The following SUGCT variants were observed in gnomAD, a reference collection of about 807,000 sequenced individuals.
SUGCT encodes succinyl-CoA:glutarate CoA-transferase.
SUGCT carries 41 observed loss-of-function variants against 55.0 expected under a neutral mutation model. That is an observed-to-expected ratio of 0.74 (90% CI 0.58 to 0.97). The LOEUF (loss-of-function observed/expected upper bound fraction) is 0.97. Ranked by LOEUF, SUGCT falls within the 50% of genes least tolerant of loss-of-function variation. The pLI is 0.00. For missense variants in SUGCT, 568 were observed against 547.8 expected (o/e 1.04, Z -0.37); for synonymous variants, 187 against 200.4 (o/e 0.93, Z 0.56).
At chr7:40,793,311 G>A (rs898562086) in intron 13 of SUGCT, 13 of 152,038 alleles carry the variant, frequency 8.6e-5, no homozygotes, top group African/African-American at 3.1e-4. Flanking sequence ...AATGATGAGT[G>A]ATTACTCTTA....
chr7:40,913,204 G>T, the SUGCT span, among the ~76,000 whole-genome samples: 9 of 151,892 alleles, frequency 5.9e-5, no homozygotes, highest in African/African-American at 2.2e-4. Flanking sequence ...TAGAGACGGG[G>T]TTTCACCATG....
chr7:40,661,660 C>A (rs1047977990), intron 12 of SUGCT, among the ~76,000 whole-genome samples: 2 of 152,118 alleles, frequency 1.3e-5, no homozygotes, highest in Admixed American at 1.3e-4. Context: ...CAACCAGATC[C>A]CCATTGATCT....
chr7:40,692,518 TA>T (rs2128652444), intron 12 of SUGCT, among the ~76,000 whole-genome samples: 1 of 152,280 alleles, frequency 6.6e-6, no homozygotes, highest in East Asian at 1.9e-4. Flanking sequence ...TACTGTGTAT[TA>T]AGAGAATGGG....
chr7:40,864,999 C>T (rs2128811779), downstream of SUGCT, among the ~76,000 whole-genome samples: 1 of 152,202 alleles, frequency 6.6e-6, no homozygotes, highest in Non-Finnish European at 1.5e-5. Flanking sequence ...ATTGCTGCCT[C>T]CCCGCTCTTC....
the SUGCT span, among the ~76,000 whole-genome samples, chr7:40,901,464 A>G: frequency 1.3e-5 from 2 of 152,116 alleles, no homozygotes; most frequent in Non-Finnish European, 2.9e-5. Flanking sequence ...CACACTATAT[A>G]GCAACCATCA....
intron 12 of SUGCT, among the ~76,000 whole-genome samples, chr7:40,502,121 A>G (rs1242233014): frequency 6.6e-6 from 1 of 152,036 alleles, no homozygotes; most frequent in African/African-American, 2.4e-5. Context: ...GTCTTATAAC[A>G]TTATTCTTTC....
At chr7:40,231,105 T>C (rs1788697008) in intron 6 of SUGCT, among the ~76,000 whole-genome samples, 1 of 152,092 alleles carries the variant, frequency 6.6e-6, no homozygotes, top group Non-Finnish European at 1.5e-5. Context: ...GGACCAAATA[T>C]GGACTGTTGG....
intron 13 of SUGCT, among the ~76,000 whole-genome samples, chr7:40,768,951 G>T (rs149231183): frequency 3.3e-5 from 5 of 152,300 alleles, no homozygotes; most frequent in African/African-American, 1.2e-4. Flanking sequence ...CCTGTGCTGA[G>T]TGTGTCTATT....
intron 1 of SUGCT, among the ~76,000 whole-genome samples, chr7:40,139,053 C>A (rs1057488239): frequency 5.9e-5 from 9 of 151,802 alleles, no homozygotes; most frequent in Non-Finnish European, 5.9e-5. Context: ...GTGGGTGGAT[C>A]ACCTGAGGTC....
At chr7:40,370,759 A>G (rs1381003653) in intron 9 of SUGCT, among the ~76,000 whole-genome samples, 1 of 151,930 alleles carries the variant, frequency 6.6e-6, no homozygotes, top group African/African-American at 2.4e-5. Context: ...CTTTCTAAAT[A>G]TTTCTATAAT....
intron 9 of SUGCT, among the ~76,000 whole-genome samples, chr7:40,377,827 TGAA>T (rs1312494237): frequency 1.3e-5 from 2 of 152,242 alleles, no homozygotes; most frequent in Admixed American, 1.3e-4. Flanking sequence ...CCTTTATATA[TGAA>T]GAATAGTTTT....
At chr7:40,957,247 A>G in the SUGCT span, among the ~76,000 whole-genome samples, 13 of 152,104 alleles carry the variant, frequency 8.5e-5, no homozygotes, top group African/African-American at 3.1e-4. Context: ...ATTGTGTGGG[A>G]GTCAAAGTCT....
At chr7:40,334,261 T>C (rs1321480322) in intron 9 of SUGCT, among the ~76,000 whole-genome samples, 1 of 152,230 alleles carries the variant, frequency 6.6e-6, no homozygotes, top group Non-Finnish European at 1.5e-5. Flanking sequence ...TTTGGGTATA[T>C]ACCCAGTAAT....
the SUGCT span, among the ~76,000 whole-genome samples, chr7:41,019,835 C>G: frequency 3.9e-5 from 6 of 152,104 alleles, no homozygotes; most frequent in Non-Finnish European, 7.3e-5. Context: ...ACAGGAAAAA[C>G]AAATTTTTAA....
chr7:40,778,361 A>G (rs1789567229), intron 13 of SUGCT, among the ~76,000 whole-genome samples: 1 of 152,228 alleles, frequency 6.6e-6, no homozygotes, highest in Non-Finnish European at 1.5e-5. Context: ...GCCATTTCCA[A>G]AGCTAGCTTC....
At position 40,745,133 on chromosome 7, in the gene SUGCT, T is replaced by G. The variant is rs571574043; in HGVS notation, c.1090-4301T>G. On this transcript the variant is annotated intron_variant, in intron 12 of 13. Coordinates refer to ENST00000335693, the MANE Select transcript of SUGCT (RefSeq NM_001193313.2). ...GTTGAATGAATAGGTCATATCATTA[T>G]CCACAGTGAATAGATAGGTCAGTTC... Among the ~76,000 whole-genome samples the G allele has an allele frequency of 2.0e-5, 3 of 152,320 alleles. No individual in the cohort carries two copies. In the South Asian group the frequency reaches 6.2e-4, roughly 32 times the overall value.
At chr7:40,194,523 C>T (rs562049327) in intron 5 of SUGCT, among the ~76,000 whole-genome samples, 2 of 152,342 alleles carry the variant, frequency 1.3e-5, no homozygotes, top group South Asian at 4.1e-4. Flanking sequence ...GCCTTGGCCT[C>T]CCAAAGTGCT....
At chr7:40,162,353 G>C (rs1784215829) in intron 1 of SUGCT, among the ~76,000 whole-genome samples, 1 of 152,180 alleles carries the variant, frequency 6.6e-6, no homozygotes. Flanking sequence ...CCTTTGCCTT[G>C]TAGGAGAAGG....
At chr7:41,005,723 T>C in the SUGCT span, among the ~76,000 whole-genome samples, 1 of 152,310 alleles carries the variant, frequency 6.6e-6, no homozygotes, top group African/African-American at 2.4e-5. Context: ...TATAAGGACC[T>C]ATGTGAAGAT....
Sources: gnomAD v4.1 joint callset for allele counts (sites outside exome capture counted in the v4.1 genomes callset) on GRCh38, gnomAD v4.1.1 for gene constraint, MANE v1.5 for transcripts, NCBI Gene and HGNC (gene_info 2026-07-23, HGNC 2026-07-21) for gene names.